PDE4D: variants seen among roughly 807,000 people sequenced by gnomAD.
PDE4D encodes the protein phosphodiesterase 4D.
PDE4D carries 24 observed loss-of-function variants against 87.4 expected under a neutral mutation model. The observed-to-expected ratio is 0.27, with a 90% CI of 0.20 to 0.39. The LOEUF (loss-of-function observed/expected upper bound fraction) is 0.39, where lower values mean the gene tolerates loss of function less well. Among genes scored for constraint, PDE4D ranks in the 10% least tolerant of loss-of-function variants. The probability of loss-of-function intolerance (pLI) is 1.00; values close to 1 mark genes in which losing one functional copy is unlikely to be tolerated. For synonymous variants in PDE4D, 384 were observed against 383.2 expected (o/e 1.00, Z -0.02); for missense variants, 714 against 1,041.0 (o/e 0.69, Z 4.32).
intron 1 of PDE4D, among the ~76,000 whole-genome samples, chr5:59,464,135 C>G (rs1329990148): frequency 6.6e-6 from 1 of 152,144 alleles, no homozygotes; most frequent in Non-Finnish European, 1.5e-5. Flanking sequence ...AAGGTTTCTC[C>G]CCATGTGATA....
intron 1 of PDE4D, among the ~76,000 whole-genome samples, chr5:60,280,734 T>C (rs776756829): frequency 1.3e-5 from 2 of 152,140 alleles, no homozygotes; most frequent in Non-Finnish European, 2.9e-5. Context: ...CATCAGTAAA[T>C]AGCATCATTG....
At chr5:59,095,901 C>T (rs1186689999) in intron 5 of PDE4D, among the ~76,000 whole-genome samples, 1 of 152,192 alleles carries the variant, frequency 6.6e-6, no homozygotes, top group East Asian at 1.9e-4. Flanking sequence ...CAGGGATTCT[C>T]AGCTCATTCT....
chr5:60,280,474 T>G (rs1396936703), intron 1 of PDE4D, among the ~76,000 whole-genome samples: 2 of 152,162 alleles, frequency 1.3e-5, no homozygotes, highest in African/African-American at 4.8e-5. Flanking sequence ...TAAATTTAAC[T>G]TTTGCAGAAT....
chr5:59,017,483 C>G (rs546743973), intron 6 of PDE4D, among the ~76,000 whole-genome samples: 1 of 152,218 alleles, frequency 6.6e-6, no homozygotes, highest in South Asian at 2.1e-4. Context: ...AAGACCAGAA[C>G]ATGTAAATAC....
chr5:59,760,538 A>G (rs1367721223), intron 1 of PDE4D, among the ~76,000 whole-genome samples: 1 of 152,188 alleles, frequency 6.6e-6, no homozygotes, highest in East Asian at 1.9e-4. Context: ...ATTTTCCTCC[A>G]TTCAGTGCAT....
intron 1 of PDE4D, among the ~76,000 whole-genome samples, chr5:59,397,523 T>C (rs1473228479): frequency 8.7e-6 from 1 of 114,882 alleles, no homozygotes; most frequent in Non-Finnish European, 1.8e-5. Flanking sequence ...AGATGTTCTT[T>C]GAAACCAACG....
chr5:59,203,644 C>T (rs190324738), intron 2 of PDE4D, among the ~76,000 whole-genome samples: 1 of 152,076 alleles, frequency 6.6e-6, no homozygotes, highest in Admixed American at 6.5e-5. Context: ...CACACACACA[C>T]TAGAATCCTA....
chr5:59,060,810 T>G (rs1022968270), intron 5 of PDE4D, among the ~76,000 whole-genome samples: 2 of 152,104 alleles, frequency 1.3e-5, no homozygotes, highest in African/African-American at 4.8e-5. Flanking sequence ...TTTTAGAAAG[T>G]CTGCCAAACA....
At chr5:60,207,778 T>C (rs530226610) in intron 1 of PDE4D, among the ~76,000 whole-genome samples, 2 of 152,334 alleles carry the variant, frequency 1.3e-5, no homozygotes, top group African/African-American at 4.8e-5. Flanking sequence ...CAGAAAGTTA[T>C]AGAACAATCA....
chr5:59,222,191 G>T (rs1039073588), intron 1 of PDE4D, among the ~76,000 whole-genome samples: 11 of 152,178 alleles, frequency 7.2e-5, no homozygotes, highest in Non-Finnish European at 1.6e-4. Context: ...TGGTAATACA[G>T]TTCCAATCTA....
intron 1 of PDE4D, among the ~76,000 whole-genome samples, chr5:59,595,638 G>C (rs750525005): frequency 6.6e-6 from 1 of 152,112 alleles, no homozygotes; most frequent in Non-Finnish European, 1.5e-5. Context: ...AGGTTTACTG[G>C]GGAAGGCAGT....
At chr5:59,039,382 C>T (rs1759200993) in intron 5 of PDE4D, 1 of 1,018,948 alleles carries the variant, frequency 9.8e-7, no homozygotes, top group Non-Finnish European at 1.2e-6. Flanking sequence ...CGCAGAGGAG[C>T]GTCTGGTCCA....
intron 1 of PDE4D, among the ~76,000 whole-genome samples, chr5:59,402,371 C>G (rs1180172924): frequency 6.6e-6 from 1 of 152,108 alleles, no homozygotes; most frequent in Non-Finnish European, 1.5e-5. Context: ...ACAAGCTGTC[C>G]CTGACATCTG....
intron 1 of PDE4D, among the ~76,000 whole-genome samples, chr5:59,271,217 T>G (rs1193776749): frequency 1.3e-5 from 2 of 152,024 alleles, no homozygotes; most frequent in Admixed American, 1.3e-4. Context: ...TTTTGGATTT[T>G]TAGTAGAGAC....
chr5:59,529,098 C>T, intron 1 of PDE4D: 1 of 469,630 alleles, frequency 2.1e-6, no homozygotes, highest in Non-Finnish European at 4.3e-6. Flanking sequence ...AATGTCTATT[C>T]TAATTTCAGA....
At chr5:59,696,773 T>A (rs187140449) in intron 1 of PDE4D, among the ~76,000 whole-genome samples, 9 of 152,318 alleles carry the variant, frequency 5.9e-5, no homozygotes, top group Admixed American at 4.6e-4. Context: ...CTTGTATTAT[T>A]TTTTTAAGTT....
intron 2 of PDE4D, among the ~76,000 whole-genome samples, chr5:60,083,633 T>G (rs1431969184): frequency 6.6e-6 from 1 of 152,180 alleles, no homozygotes; most frequent in Non-Finnish European, 1.5e-5. Flanking sequence ...TTTTTGTTTG[T>G]TTGTTTGTTT....
intron 1 of PDE4D, among the ~76,000 whole-genome samples, chr5:60,204,122 G>T (rs1742230786): frequency 6.6e-6 from 1 of 152,144 alleles, no homozygotes; most frequent in African/African-American, 2.4e-5. Context: ...AAGCAGGCAG[G>T]AAACAGCCAG....
chr5:60,413,480 G>A (rs1182426706), intron 1 of PDE4D, among the ~76,000 whole-genome samples: 1 of 152,126 alleles, frequency 6.6e-6, no homozygotes, highest in African/African-American at 2.4e-5. Flanking sequence ...GAAGGAGGAA[G>A]AAACGAAAGG....
Sources: allele counts gnomAD v4.1 joint callset (sites outside exome capture counted in the v4.1 genomes callset), GRCh38; gene constraint gnomAD v4.1.1; transcripts MANE v1.5; gene names NCBI Gene and HGNC (gene_info 2026-07-23, HGNC 2026-07-21).